Variants in PRKCZ observed in about 807,000 individuals in gnomAD.
PRKCZ encodes the protein protein kinase C zeta.
PRKCZ carries 33 observed loss-of-function variants against 79.5 expected under a neutral mutation model. That is an observed-to-expected ratio of 0.41 (90% CI 0.31 to 0.55). PRKCZ has a LOEUF of 0.55. PRKCZ is among the 20% of genes least tolerant of loss of function. The pLI, the probability that PRKCZ is intolerant of heterozygous loss-of-function variation, is 0.19. For missense variants in PRKCZ, 578 were observed against 813.5 expected (o/e 0.71, Z 3.52); for synonymous variants, 342 against 320.9 (o/e 1.07, Z -0.70).
At chr1:2,072,178 G>A (rs898449802) in intron 4 of PRKCZ, among the ~76,000 whole-genome samples, 1 of 152,246 alleles carries the variant, frequency 6.6e-6, no homozygotes, top group Non-Finnish European at 1.5e-5. Flanking sequence ...CCTGACGAGG[G>A]AAGCTTGGCC....
intron 4 of PRKCZ, among the ~76,000 whole-genome samples, chr1:2,087,202 C>T (rs1664676536): frequency 6.6e-6 from 1 of 152,076 alleles, no homozygotes; most frequent in Non-Finnish European, 1.5e-5. Context: ...CGCACCTCAG[C>T]CTCCTGAGTA....
chr1:2,115,341 G>A (rs1670544783), intron 4 of PRKCZ, among the ~76,000 whole-genome samples: 1 of 152,240 alleles, frequency 6.6e-6, no homozygotes, highest in Non-Finnish European at 1.5e-5. Flanking sequence ...GCCTTCTGTT[G>A]CCCGTGGCGC....
chr1:2,116,768 C>T (rs541077405), intron 4 of PRKCZ, among the ~76,000 whole-genome samples: 1 of 152,134 alleles, frequency 6.6e-6, no homozygotes, highest in African/African-American at 2.4e-5. Context: ...TGGCTTTTTA[C>T]ATTTCCATAC....
chr1:2,158,536 C>T (rs1681567271), intron 10 of PRKCZ, among the ~76,000 whole-genome samples: 1 of 152,242 alleles, frequency 6.6e-6, no homozygotes, highest in Admixed American at 6.5e-5. Flanking sequence ...TTTTCCAGGC[C>T]TCTTTCCGCC....
In PRKCZ at chr1:2,172,239, G is replaced by GGGCGCCTGTCCCGC; in HGVS notation, c.1197+52_1198-46dup. The GGGCGCCTGTCCCGC allele has an allele frequency of 6.2e-7, 1 of 1,613,446 alleles. No individual in the cohort carries two copies. Among genetic ancestry groups the GGGCGCCTGTCCCGC allele is most frequent in the African/African-American group, 1.3e-5 (1 of 75,074 alleles). ...CTGACCATCCCGCATGTGCGTCTCG[G>GGGCGCCTGTCCCGC]GGCGCCTGTCCCGCGGGGTAGTGTC... On this transcript the variant is annotated intron_variant, in intron 12 of 17. Coordinates refer to ENST00000378567, the MANE Select transcript of PRKCZ (RefSeq NM_002744.6). This position sits in a 1 kb window ranked among gnomAD's most constrained non-coding sequence, Gnocchi z 7.8.
intron 9 of PRKCZ, among the ~76,000 whole-genome samples, chr1:2,153,697 C>G (rs1680356879): frequency 6.6e-6 from 1 of 152,226 alleles, no homozygotes; most frequent in Non-Finnish European, 1.5e-5. Flanking sequence ...AAAGTTAATG[C>G]CACGTATGAG....
At chr1:2,167,657 G>A (rs1031852969) in intron 10 of PRKCZ, among the ~76,000 whole-genome samples, 19 of 152,294 alleles carry the variant, frequency 1.2e-4, no homozygotes, top group African/African-American at 4.3e-4. Context: ...AGGCTGGAGT[G>A]CAGTGGCGCA....
At chr1:2,067,878 A>G (rs1049650066) in intron 4 of PRKCZ, among the ~76,000 whole-genome samples, 5 of 152,168 alleles carry the variant, frequency 3.3e-5, no homozygotes, top group African/African-American at 9.7e-5. Flanking sequence ...TGATACAAAT[A>G]TATTTTCTTC....
At chr1:2,079,039 T>C (rs1361167427) in intron 4 of PRKCZ, among the ~76,000 whole-genome samples, 2 of 152,176 alleles carry the variant, frequency 1.3e-5, no homozygotes, top group Admixed American at 1.3e-4. Context: ...AGACGGGGTT[T>C]CACCGTGTTA....
chr1:2,160,589 AG>A (rs916131094), intron 10 of PRKCZ, among the ~76,000 whole-genome samples: 2 of 152,146 alleles, frequency 1.3e-5, no homozygotes, highest in Middle Eastern at 3.2e-3. Context: ...CGGAGGCCCC[AG>A]GGATTCTCAG....
At chr1:2,113,770 G>A (rs2102742820) in intron 4 of PRKCZ, among the ~76,000 whole-genome samples, 1 of 152,326 alleles carries the variant, frequency 6.6e-6, no homozygotes, top group East Asian at 1.9e-4. Context: ...GGCAGAGGCT[G>A]TGGTCCAGTC....
At chr1:2,154,903 G>T (rs1680623600) in intron 9 of PRKCZ, among the ~76,000 whole-genome samples, 1 of 152,240 alleles carries the variant, frequency 6.6e-6, no homozygotes, top group South Asian at 2.1e-4. Context: ...GGTGATGGGT[G>T]TGGGCTTATC....
At chr1:2,091,118 G>A (rs2490559) in intron 4 of PRKCZ, among the ~76,000 whole-genome samples, 35,007 of 152,062 alleles carry the variant, frequency 0.23, 4,733 homozygotes, top group East Asian at 0.61. Context: ...TGCGACCTCC[G>A]CCTCCTGGGT....
chr1:2,139,109 T>A, intron 5 of PRKCZ, among the ~76,000 whole-genome samples: 1 of 152,106 alleles, frequency 6.6e-6, no homozygotes, highest in Non-Finnish European at 1.5e-5. Flanking sequence ...TCCAGACATC[T>A]CACACTTAGA....
chr1:2,091,024 C>T (rs1474371486), intron 4 of PRKCZ, among the ~76,000 whole-genome samples: 1 of 152,126 alleles, frequency 6.6e-6, no homozygotes, highest in Non-Finnish European at 1.5e-5. Context: ...AGCTGTGGCC[C>T]ACTGTAGTTC....
chr1:2,103,333 C>T (rs1667819992), intron 4 of PRKCZ, among the ~76,000 whole-genome samples: 2 of 152,370 alleles, frequency 1.3e-5, no homozygotes, highest in East Asian at 3.9e-4. Flanking sequence ...GCCGACACAG[C>T]TGCCGCAGTA....
At chr1:2,106,547 C>T (rs4648803) in intron 4 of PRKCZ, among the ~76,000 whole-genome samples, 680 of 23,244 alleles carry the variant, frequency 0.029, 133 homozygotes, top group East Asian at 0.18. Context: ...GACCTCCACA[C>T]GTGTCACCAG....
At chr1:2,131,232 C>T (rs1290998906) in intron 4 of PRKCZ, among the ~76,000 whole-genome samples, 2 of 152,182 alleles carry the variant, frequency 1.3e-5, no homozygotes, top group East Asian at 1.9e-4. Context: ...AGGCGGCACC[C>T]GTGAGCAGGC....
At chr1:2,089,152 C>T (rs1051482973) in intron 4 of PRKCZ, among the ~76,000 whole-genome samples, 2 of 152,144 alleles carry the variant, frequency 1.3e-5, no homozygotes, top group Admixed American at 6.5e-5. Context: ...TTTCCTTAGC[C>T]GGGGTCAGCT....
Sources: gnomAD v4.1 joint callset for allele counts (sites outside exome capture counted in the v4.1 genomes callset) on GRCh38, gnomAD v4.1.1 for gene constraint, Gnocchi (gnomAD v3.1) non-coding constraint, MANE v1.5 for transcripts, NCBI Gene and HGNC (gene_info 2026-07-23, HGNC 2026-07-21) for gene names.